The following PRDM16 variants were observed in gnomAD, a reference collection of about 807,000 sequenced individuals.
PRDM16 encodes the protein histone-lysine N-methyltransferase PRDM16.
Under a neutral mutation model 110.6 loss-of-function variants are expected in PRDM16, and 23 were observed. The observed-to-expected ratio is 0.21, with a 90% confidence interval of 0.15 to 0.29. The LOEUF is 0.29. PRDM16 is among the 10% of genes least tolerant of loss of function. PRDM16 has a pLI of 1.00. For missense variants in PRDM16, 1,615 were observed against 1,794.3 expected (o/e 0.90, Z 1.81); for synonymous variants, 799 against 781.8 (o/e 1.02, Z -0.37).
At chr1:3,332,338 G>A (rs1642057908) in intron 3 of PRDM16, among the ~76,000 whole-genome samples, 1 of 152,150 alleles carries the variant, frequency 6.6e-6, no homozygotes, top group Non-Finnish European at 1.5e-5. Context: ...TTGTTACAGC[G>A]GGAGCTGGAT....
At chr1:3,223,224 G>A (rs1302150379) in intron 2 of PRDM16, among the ~76,000 whole-genome samples, 1 of 151,062 alleles carries the variant, frequency 6.6e-6, no homozygotes, top group African/African-American at 2.4e-5. Flanking sequence ...CTGGAGTCTG[G>A]GAATTAGCAA....
At chr1:3,285,946 G>A (rs1156417159) in intron 3 of PRDM16, among the ~76,000 whole-genome samples, 1 of 152,220 alleles carries the variant, frequency 6.6e-6, no homozygotes, top group African/African-American at 2.4e-5. Context: ...CCCCTGCGGC[G>A]TGACACAAGG....
intron 1 of PRDM16, among the ~76,000 whole-genome samples, chr1:3,167,300 A>G (rs1300169395): frequency 6.6e-6 from 1 of 152,178 alleles, no homozygotes; most frequent in African/African-American, 2.4e-5. Flanking sequence ...CGACCCCGTT[A>G]AAAGCCATTC....
Position 3,296,687 on chromosome 1 carries a change from T to A in PRDM16, c.438+52550T>A, listed in dbSNP as rs191367021. On this transcript the variant is annotated intron_variant, in intron 3 of 16. Transcript: ENST00000270722. ...CGTGTGTGGACCAGGATGGGCAGCCTGGATGCAGAGAGGGGCTGAGTAGGA... is the reference window on the plus strand; with the variant it reads ...CGTGTGTGGACCAGGATGGGCAGCCAGGATGCAGAGAGGGGCTGAGTAGGA... Among the ~76,000 whole-genome samples the A allele has an allele frequency of 1.8e-3, 274 of 152,248 alleles. 1 individual carries two copies. The highest frequency in any genetic ancestry group is 0.016 in the Admixed American group (248 of 15,304).
intron 3 of PRDM16, among the ~76,000 whole-genome samples, chr1:3,345,784 TG>T (rs1642350778): frequency 1.3e-5 from 1 of 74,102 alleles, no homozygotes; most frequent in Admixed American, 1.1e-4. Context: ...CTGCCCCCTC[TG>T]TGGTCCAGGC....
At chr1:3,402,274 C>CG (rs1440935684) in intron 5 of PRDM16, among the ~76,000 whole-genome samples, 2 of 152,124 alleles carry the variant, frequency 1.3e-5, no homozygotes, top group Non-Finnish European at 2.9e-5. Flanking sequence ...CAGAGCCCCC[C>CG]ACCGGGATGA....
At chr1:3,279,718 G>A (rs922715515) in intron 3 of PRDM16, among the ~76,000 whole-genome samples, 3 of 152,210 alleles carry the variant, frequency 2.0e-5, no homozygotes, top group African/African-American at 7.2e-5. Flanking sequence ...GGGGATGGTG[G>A]AGGAAGGAAG....
chr1:3,109,281 T>C (rs1642733818), intron 1 of PRDM16, among the ~76,000 whole-genome samples: 1 of 152,156 alleles, frequency 6.6e-6, no homozygotes. Context: ...CACCAGCTCC[T>C]TCGACTGGAC....
intron 1 of PRDM16, among the ~76,000 whole-genome samples, chr1:3,093,515 G>A (rs936655371): frequency 5.3e-5 from 8 of 151,434 alleles, no homozygotes; most frequent in Non-Finnish European, 1.2e-4. Context: ...AATGCCACAG[G>A]TTGTGTGCTC....
intron 1 of PRDM16, among the ~76,000 whole-genome samples, chr1:3,074,824 G>C (rs1486949670): frequency 6.6e-6 from 1 of 152,244 alleles, no homozygotes; most frequent in Non-Finnish European, 1.5e-5. Context: ...CCAGCAGTCA[G>C]GGGGAGGTGG....
intron 1 of PRDM16, among the ~76,000 whole-genome samples, chr1:3,147,110 G>A (rs771462700): frequency 8.1e-5 from 12 of 148,022 alleles, no homozygotes; most frequent in Non-Finnish European, 1.0e-4. Flanking sequence ...GTGTGTACGC[G>A]TGTGCTCGGT....
intron 1 of PRDM16, among the ~76,000 whole-genome samples, chr1:3,137,699 C>T (rs1363325530): frequency 2.0e-5 from 3 of 152,262 alleles, no homozygotes; most frequent in African/African-American, 4.8e-5. Context: ...TTCCTACCAG[C>T]AGGTTGATGA....
Position 3,227,201 on chromosome 1 carries a change from C to A in PRDM16, c.388-16886C>A, listed in dbSNP as rs533264279. Reference sequence around the variant, plus strand: ...CCGGGCTGCTGGAGCTCCGACCTTGCCTTCTCGCCCGGCGAGGACCTGCAG... The same window carrying A: ...CCGGGCTGCTGGAGCTCCGACCTTGACTTCTCGCCCGGCGAGGACCTGCAG... On this transcript the variant is annotated intron_variant, in intron 2 of 16. Transcript: ENST00000270722. 7.9e-5 allele frequency among the ~76,000 whole-genome samples: 12 copies of A among 152,390 alleles called. 1 individual carries two copies. In the South Asian group the frequency reaches 2.3e-3, roughly 29 times the overall value.
intron 1 of PRDM16, among the ~76,000 whole-genome samples, chr1:3,074,142 G>C (rs1641835837): frequency 2.6e-5 from 4 of 152,212 alleles, no homozygotes; most frequent in Admixed American, 2.0e-4. Context: ...CGGCAACCTC[G>C]GGAGACGGGC....
At chr1:3,424,113 C>T (rs866964814) in intron 12 of PRDM16, among the ~76,000 whole-genome samples, 119 of 152,206 alleles carry the variant, frequency 7.8e-4, no homozygotes, top group African/African-American at 2.7e-3. Flanking sequence ...AGCCCCCCGC[C>T]GGATGCCCCC....
intron 8 of PRDM16, among the ~76,000 whole-genome samples, chr1:3,409,825 T>G (rs1250330013): frequency 1.2e-4 from 6 of 50,672 alleles, no homozygotes; most frequent in East Asian, 4.6e-4. Flanking sequence ...ATGTGTGTGG[T>G]TGTGTGTGGG....
chr1:3,249,626 G>GT (rs1452941245), intron 3 of PRDM16, among the ~76,000 whole-genome samples: 3 of 152,146 alleles, frequency 2.0e-5, no homozygotes, highest in Non-Finnish European at 4.4e-5. Flanking sequence ...TGTGGGATCA[G>GT]TTATGTCTTT....
chr1:3,253,239 G>A (rs1434094447), intron 3 of PRDM16, among the ~76,000 whole-genome samples: 1 of 150,944 alleles, frequency 6.6e-6, no homozygotes, highest in African/African-American at 2.4e-5. Flanking sequence ...TAAGTTTTAG[G>A]GTACATGTGC....
chr1:3,162,166 T>A (rs1394727488), intron 1 of PRDM16, among the ~76,000 whole-genome samples: 4 of 152,268 alleles, frequency 2.6e-5, no homozygotes, highest in Non-Finnish European at 5.9e-5. Context: ...TGGCGTTCAA[T>A]ATGCCCGGGC....
Sources: allele counts gnomAD v4.1 joint callset (sites outside exome capture counted in the v4.1 genomes callset), GRCh38; gene constraint gnomAD v4.1.1; transcripts MANE v1.5; gene names NCBI Gene and HGNC (gene_info 2026-07-23, HGNC 2026-07-21).